The following FAHD2A variants were observed in gnomAD, a reference collection of about 807,000 sequenced individuals.
FAHD2A encodes oxaloacetate tautomerase FAHD2A, mitochondrial.
In FAHD2A, 27 loss-of-function variants were observed where a neutral mutation model predicts 33.4. That is an observed-to-expected ratio of 0.81 (90% CI 0.60 to 1.11). The LOEUF is 1.11. FAHD2A is among the 50% of genes most tolerant of loss of function. FAHD2A has a pLI of 0.00. For missense variants in FAHD2A, 296 were observed against 395.0 expected, an observed-to-expected ratio of 0.75 and a Z score of 2.12; for synonymous variants, 130 against 153.3, an observed-to-expected ratio of 0.85 and a Z score of 1.12.
In FAHD2A at chr2:95,405,545, C is replaced by T; in HGVS notation, c.-6-8C>T. On this transcript the variant is annotated splice_polypyrimidine_tract_variant and splice_region_variant and intron_variant, in intron 1 of 7. Transcript: ENST00000233379. ...TCTGTCTCCTGGATCCTGCATTTTT[C>T]TCTGCAGGCTCTGATGCTGGTGTCT... is the stretch of plus-strand genomic sequence containing the variant. The T allele has an allele frequency of 6.2e-7, 1 of 1,600,894 alleles. No individual in the cohort carries two copies. The highest frequency in any genetic ancestry group is 8.5e-7 in the Non-Finnish European group (1 of 1,171,510).
rs1682871803 is a variant in FAHD2A at position 95,413,625 on chromosome 2, C to G, written c.*668C>G. ...CACCACAGGGACTGTGTCCACATGG[C>G]CCAGGGGCCAGGCCTGTCCCCCAGA... is the stretch of plus-strand genomic sequence containing the variant. On this transcript the variant is annotated 3_prime_UTR_variant, in exon 8 of 8. Transcript: ENST00000233379. The G allele has an allele frequency of 1.4e-6, 2 of 1,467,774 alleles. No homozygotes were observed. Among genetic ancestry groups the G allele is most frequent in the East Asian group, 4.9e-5 (2 of 40,454 alleles). 90.9% of individuals were successfully genotyped at this position (1,467,774 alleles called of 1,614,324 possible). A position where few individuals can be genotyped will look rare whatever the true frequency, so the allele number is the denominator to read the frequency against.
chr2:95,417,978 G>T (rs1180619023), downstream of FAHD2A, among the ~76,000 whole-genome samples: 1 of 152,090 alleles, frequency 6.6e-6, no homozygotes, highest in Admixed American at 6.5e-5. Flanking sequence ...GCATATGTAT[G>T]CTTGTTCTGG....
At chr2:95,418,875 G>A (rs1397484785), downstream of FAHD2A, among the ~76,000 whole-genome samples, 2 of 152,078 alleles carry the variant, frequency 1.3e-5, no homozygotes, top group Non-Finnish European at 2.9e-5. Flanking sequence ...TGAAAATAAA[G>A]TCTTTGCAGG....
At chr2:95,405,955 G>A in intron 2 of FAHD2A, 152 bp downstream of exon 2, 1 of 1,253,870 alleles carries the variant, frequency 8.0e-7, no homozygotes, top group South Asian at 1.6e-5. Context: ...AAGATCCTTA[G>A]AAATCTTACA....
chr2:95,409,917 C>T (rs573838950), intron 3 of FAHD2A, among the ~76,000 whole-genome samples: 1 of 152,152 alleles, frequency 6.6e-6, no homozygotes, highest in Admixed American at 6.5e-5. Context: ...ACCCAGTGCT[C>T]CTTAGTGGGG....
Position 95,407,139 on chromosome 2 carries a change from C to G in FAHD2A, c.444C>G (p.Val148=). ...TCGTGGGGCCCTATGATGAGGTGGT[C>G]CTCCCACCACAGAGCCAGGTCAGTG... The part of the protein sequence containing the change: ...SSIVGPYDEV[V]LPPQSQEVDW... The change falls in exon 3 of 8, where the codon GTC becomes GTG. Residue 148 remains valine, a synonymous_variant. Transcript: ENST00000233379. The G allele has an allele frequency of 6.2e-7, 1 of 1,612,048 alleles. No homozygotes were observed. The highest frequency in any genetic ancestry group is 8.5e-7 in the Non-Finnish European group (1 of 1,179,870).
At chr2:95,409,812 G>A (rs898648698) in intron 3 of FAHD2A, among the ~76,000 whole-genome samples, 4 of 152,124 alleles carry the variant, frequency 2.6e-5, no homozygotes, top group Non-Finnish European at 4.4e-5. Context: ...CTCCATTCCC[G>A]TCACTTTTAG....
rs1682940801 is a variant in FAHD2A at position 95,414,260 on chromosome 2, C to T, written c.*1303C>T. The T allele has an allele frequency of 6.3e-7, 1 of 1,592,664 alleles. No homozygotes were observed. The highest frequency in any genetic ancestry group is 1.7e-5 in the Admixed American group (1 of 59,586). On this transcript the variant is annotated 3_prime_UTR_variant, in exon 8 of 8. Coordinates refer to ENST00000233379, the MANE Select transcript of FAHD2A (RefSeq NM_016044.3). The stretch of plus-strand genomic sequence containing the variant: ...GGTTGGGACTCACCAAAGATCCCTT[C>T]TTCCTGGGCGGTGGCCTGCAGGAAC...
chr2:95,416,826 G>A (rs1683201130), downstream of FAHD2A, among the ~76,000 whole-genome samples: 1 of 152,192 alleles, frequency 6.6e-6, no homozygotes, highest in African/African-American at 2.4e-5. Context: ...CAAAGGCTTG[G>A]ATTTCCCAAT....
chr2:95,419,574 G>A (rs1275416279), downstream of FAHD2A, among the ~76,000 whole-genome samples: 1 of 152,000 alleles, frequency 6.6e-6, no homozygotes, highest in Non-Finnish European at 1.5e-5. Context: ...CATTTTATGT[G>A]GGGGAAGGGT....
At position 95,412,921 on chromosome 2, in the gene FAHD2A, T is replaced by G; in HGVS notation, c.909T>G (p.Ile303Met). Residue 303 changes from isoleucine to methionine, a missense_variant, in exon 8 of 8, where the codon ATT becomes ATG. By Grantham distance (10) the Ile-to-Met change is conservative. Transcript: ENST00000233379. ...LKKGDEVQCE[I>M]EELGVIINKV... is the part of the protein sequence containing the mutation. ...AGGGGGATGAAGTCCAGTGTGAGAT[T>G]GAAGAACTAGGTGTCATCATCAACA... 2 of 1,614,212 alleles carry G rather than the reference T, an allele frequency of 1.2e-6. No homozygotes were observed. Among genetic ancestry groups the G allele is most frequent in the Non-Finnish European group, 1.7e-6 (2 of 1,180,044 alleles).
chr2:95,410,699 A>G (rs1682340420), intron 4 of FAHD2A, 113 bp downstream of exon 4: 9 of 1,553,570 alleles, frequency 5.8e-6, no homozygotes, highest in Non-Finnish European at 7.9e-6. Flanking sequence ...CCCTGACACT[A>G]GGAAGCAGTC....
downstream of FAHD2A, among the ~76,000 whole-genome samples, chr2:95,420,097 T>C (rs541685144): frequency 9.9e-5 from 15 of 152,186 alleles, 1 homozygote; most frequent in African/African-American, 3.6e-4. Flanking sequence ...GCCTTTTTGT[T>C]CTATTCAGGC....
At chr2:95,412,054 G>A (rs1329708849) in intron 5 of FAHD2A, among the ~76,000 whole-genome samples, 1 of 152,218 alleles carries the variant, frequency 6.6e-6, no homozygotes, top group Middle Eastern at 3.2e-3. Flanking sequence ...GCCTCCCAAA[G>A]TGCTATGATT....
At chr2:95,409,343 TCTCA>T (rs1682113091) in intron 3 of FAHD2A, among the ~76,000 whole-genome samples, 2 of 151,328 alleles carry the variant, frequency 1.3e-5, no homozygotes, top group South Asian at 4.2e-4. Flanking sequence ...TGAGACAGAG[TCTCA>T]CTCTATTGTG....
downstream of FAHD2A, among the ~76,000 whole-genome samples, chr2:95,418,534 A>G (rs544218454): frequency 6.6e-6 from 1 of 152,146 alleles, no homozygotes; most frequent in East Asian, 1.9e-4. Flanking sequence ...AGAAGAGGGC[A>G]TACGTGGAGT....
At chr2:95,406,908 G>C in intron 2 of FAHD2A, 33 bp from the exon 3 acceptor site, 1 of 1,576,610 alleles carries the variant, frequency 6.3e-7, no homozygotes, top group Non-Finnish European at 8.6e-7. Flanking sequence ...CCTGTTCCCA[G>C]CCAGACCCTC....
At chr2:95,407,319 A>T (rs1371475287) in intron 3 of FAHD2A, 162 bp downstream of exon 3, 9 of 1,044,084 alleles carry the variant, frequency 8.6e-6, no homozygotes, top group Non-Finnish European at 1.1e-5. Context: ...GGAAAAAAAA[A>T]GTTAATGTAC....
chr2:95,407,078 A>G lies in FAHD2A; in HGVS notation c.383A>G (p.Lys128Arg), dbSNP rs541443065. 48 of 1,612,772 alleles carry G rather than the reference A, an allele frequency of 3.0e-5. No individual in the cohort carries two copies. The East Asian group carries it at 3.1e-4, about 10-fold the overall frequency. Residue 128 changes from lysine to arginine, a missense_variant, in exon 3 of 8, where the codon AAG becomes AGG. Physicochemically the swap from Lys to Arg is conservative, Grantham distance 26. Transcript: ENST00000233379. The part of the protein sequence containing the change: ...HCKEQNVPVP[K>R]EPIIFSKFAS... ...AAAGAACAGAACGTGCCCGTGCCCA[A>G]GGAGCCCATCATCTTCAGCAAGTTT...
Sources: allele counts gnomAD v4.1 joint callset (sites outside exome capture counted in the v4.1 genomes callset), GRCh38; gene constraint gnomAD v4.1.1; transcripts MANE v1.5; gene names NCBI Gene and HGNC (gene_info 2026-07-23, HGNC 2026-07-21).